Variants in NKAIN2 observed in about 807,000 individuals in gnomAD.
NKAIN2 encodes the protein sodium/potassium-transporting ATPase subunit beta-1-interacting protein 2.
In NKAIN2, 14 loss-of-function variants were observed where a neutral mutation model predicts 32.6. That is an observed-to-expected ratio of 0.43 (90% CI 0.28 to 0.67). The LOEUF (loss-of-function observed/expected upper bound fraction) is 0.67, where lower values mean the gene tolerates loss of function less well. NKAIN2 is among the 30% of genes least tolerant of loss of function. The pLI is 0.17. For missense variants in NKAIN2, 198 were observed against 258.3 expected (o/e 0.77, Z 1.60); for synonymous variants, 80 against 87.2 (o/e 0.92, Z 0.46).
At chr6:124,650,360 G>A (rs1186121508) in intron 3 of NKAIN2, among the ~76,000 whole-genome samples, 1 of 152,124 alleles carries the variant, frequency 6.6e-6, no homozygotes. Context: ...CCAGTAAACA[G>A]AATTTGAAAT....
intron 3 of NKAIN2, among the ~76,000 whole-genome samples, chr6:124,643,868 T>C (rs1784076302): frequency 2.6e-5 from 4 of 152,236 alleles, no homozygotes; most frequent in Middle Eastern, 3.2e-3. Flanking sequence ...TTCAAATCTC[T>C]GTAATCTAGC....
rs550318178 is a variant in NKAIN2, at chr6:124,225,820, C to T, written c.55-57185C>T. 1.9e-3 allele frequency among the ~76,000 whole-genome samples: 294 copies of T among 151,946 alleles called. 1 individual carries two copies. The highest frequency in any genetic ancestry group is 1.9e-3 in the South Asian group (9 of 4,810). ...TGCACAAATACCTCTGAGACAAAGG[C>T]GGAATATGTCATAGGATCCAGAAAA... On this transcript the variant is annotated intron_variant, in intron 1 of 6. Transcript: ENST00000368417.
chr6:124,083,946 T>C (rs1210667594), intron 1 of NKAIN2, among the ~76,000 whole-genome samples: 1 of 151,978 alleles, frequency 6.6e-6, no homozygotes, highest in Non-Finnish European at 1.5e-5. Flanking sequence ...TAAAAATGAC[T>C]CACAATATAT....
intron 4 of NKAIN2, among the ~76,000 whole-genome samples, chr6:124,718,327 C>T (rs753392207): frequency 5.3e-5 from 8 of 152,222 alleles, no homozygotes; most frequent in Middle Eastern, 3.4e-3. Flanking sequence ...TGCAATCATA[C>T]GACATGTTGT....
At chr6:123,934,531 CT>C in intron 1 of NKAIN2, among the ~76,000 whole-genome samples, 1 of 152,180 alleles carries the variant, frequency 6.6e-6, no homozygotes, top group East Asian at 1.9e-4. Flanking sequence ...ATTACTTATT[CT>C]TTTATGTGCA....
chr6:124,673,447 T>C (rs1035510632), intron 4 of NKAIN2, among the ~76,000 whole-genome samples: 1 of 152,062 alleles, frequency 6.6e-6, no homozygotes, highest in South Asian at 2.1e-4. Flanking sequence ...TACTTTTAAT[T>C]TTTTGAGAAC....
At position 124,670,504 on chromosome 6, in the gene NKAIN2, TC is replaced by T. The variant is rs556748579; in HGVS notation, c.474+12120del. Among the ~76,000 whole-genome samples, 83 of 152,200 alleles carry T rather than the reference TC, an allele frequency of 5.5e-4. 1 individual carries two copies. The highest frequency in any genetic ancestry group is 3.4e-3 in the Middle Eastern group (1 of 294). Reference sequence around the variant, plus strand: ...AAATTATTGTGATGTGTTCAACAACTCCATAAGTGAGATTAAATCTGAGTGC... The same window carrying T: ...AAATTATTGTGATGTGTTCAACAACTCATAAGTGAGATTAAATCTGAGTGC... On this transcript the variant is annotated intron_variant, in intron 4 of 6. Transcript: ENST00000368417.
At chr6:124,301,781 A>T (rs1007086300) in intron 2 of NKAIN2, among the ~76,000 whole-genome samples, 1 of 152,226 alleles carries the variant, frequency 6.6e-6, no homozygotes, top group Admixed American at 6.5e-5. Context: ...TGGAATGGGC[A>T]TATTTACCCA....
At chr6:124,636,606 G>C (rs1783782557) in intron 3 of NKAIN2, among the ~76,000 whole-genome samples, 1 of 151,692 alleles carries the variant, frequency 6.6e-6, no homozygotes, top group African/African-American at 2.4e-5. Context: ...AAAATACAAA[G>C]GAGACAGACT....
chr6:124,175,119 G>A (rs931427692), intron 1 of NKAIN2, among the ~76,000 whole-genome samples: 1 of 152,058 alleles, frequency 6.6e-6, no homozygotes, highest in African/African-American at 2.4e-5. Flanking sequence ...ATCAAAAGGT[G>A]GGTGCTGAAT....
chr6:124,294,894 T>C (rs763477967), intron 2 of NKAIN2, among the ~76,000 whole-genome samples: 1 of 150,740 alleles, frequency 6.6e-6, no homozygotes, highest in East Asian at 1.9e-4. Context: ...AATCCATTTT[T>C]TTCTTCATAT....
chr6:124,195,927 T>G (rs1790292555), intron 1 of NKAIN2, among the ~76,000 whole-genome samples: 1 of 152,100 alleles, frequency 6.6e-6, no homozygotes, highest in Non-Finnish European at 1.5e-5. Context: ...TCTAGTGTAC[T>G]TGGGAAACAC....
chr6:124,446,595 G>C (rs12216152), intron 3 of NKAIN2, among the ~76,000 whole-genome samples: 36,488 of 151,940 alleles, frequency 0.24, 4,834 homozygotes, highest in Middle Eastern at 0.33. Flanking sequence ...CTGCCACCTT[G>C]TCCTCCCAAA....
chr6:124,150,174 T>G (rs1051525212), intron 1 of NKAIN2, among the ~76,000 whole-genome samples: 2 of 152,140 alleles, frequency 1.3e-5, no homozygotes, highest in Non-Finnish European at 2.9e-5. Context: ...TCCCTATAGT[T>G]TTTCCAACCA....
At chr6:123,814,843 C>A (rs756222531) in intron 1 of NKAIN2, among the ~76,000 whole-genome samples, 49 of 152,274 alleles carry the variant, frequency 3.2e-4, no homozygotes, top group African/African-American at 1.2e-3. Context: ...GACGTGCAGG[C>A]CCTGCCCTGG....
In NKAIN2 at chr6:123,964,046, A is replaced by G. The variant is rs940029954; in HGVS notation, c.54+159792A>G. Reference sequence around the variant, plus strand: ...ATATTGTTGATCATATCTCAAATTCATTTGAAAAATGAATCCTTGTTCAGG... The same window carrying G: ...ATATTGTTGATCATATCTCAAATTCGTTTGAAAAATGAATCCTTGTTCAGG... On this transcript the variant is annotated intron_variant, in intron 1 of 6. Coordinates refer to ENST00000368417, the MANE Select transcript of NKAIN2 (RefSeq NM_001040214.3). This position sits in a 1 kb window ranked among gnomAD's most constrained non-coding sequence, Gnocchi z 4.0. 2.0e-5 allele frequency among the ~76,000 whole-genome samples: 3 copies of G among 152,282 alleles called. No individual in the cohort carries two copies. Among genetic ancestry groups the G allele is most frequent in the Admixed American group, 6.5e-5 (1 of 15,292 alleles).
intron 1 of NKAIN2, among the ~76,000 whole-genome samples, chr6:124,133,096 G>A (rs1786560847): frequency 6.6e-6 from 1 of 152,212 alleles, no homozygotes; most frequent in African/African-American, 2.4e-5. Context: ...GGGCCTTGGA[G>A]AAGGGGTACT....
intron 4 of NKAIN2, among the ~76,000 whole-genome samples, chr6:124,739,521 A>G (rs1350174024): frequency 6.6e-6 from 1 of 151,898 alleles, no homozygotes; most frequent in African/African-American, 2.4e-5. Context: ...CCACAGTGTG[A>G]TCATCAAGAG....
chr6:124,206,265 G>A (rs1451378778), intron 1 of NKAIN2, among the ~76,000 whole-genome samples: 1 of 151,582 alleles, frequency 6.6e-6, no homozygotes, highest in African/African-American at 2.4e-5. Flanking sequence ...TTCTTTTTTA[G>A]CAATCACTGA....
Sources: gnomAD v4.1 joint callset for allele counts (sites outside exome capture counted in the v4.1 genomes callset) on GRCh38, gnomAD v4.1.1 for gene constraint, Gnocchi (gnomAD v3.1) non-coding constraint, MANE v1.5 for transcripts, NCBI Gene and HGNC (gene_info 2026-07-23, HGNC 2026-07-21) for gene names.